Variants in PAN3 observed in about 807,000 individuals in gnomAD.
PAN3 encodes the protein poly(A) specific ribonuclease subunit PAN3.
A neutral mutation model predicts 96.2 loss-of-function variants in PAN3; 19 were observed. That is an observed-to-expected ratio of 0.20 (90% CI 0.14 to 0.29). PAN3 has a LOEUF of 0.29. Among genes scored for constraint, PAN3 ranks in the 10% least tolerant of loss-of-function variants. The pLI, the probability that PAN3 is intolerant of heterozygous loss-of-function variation, is 1.00. For synonymous variants in PAN3, 433 were observed against 406.6 expected, an observed-to-expected ratio of 1.06 and a Z score of -0.78; for missense variants, 882 against 1,108.1, an observed-to-expected ratio of 0.80 and a Z score of 2.90.
chr13:28,216,810 C>T (rs1249287949), intron 5 of PAN3, among the ~76,000 whole-genome samples: 1 of 140,216 alleles, frequency 7.1e-6, no homozygotes, highest in African/African-American at 3.1e-5. Context: ...CTTGTCTTTC[C>T]ATCTAATTAA....
chr13:28,232,777 G>A (rs906882150), intron 6 of PAN3, among the ~76,000 whole-genome samples: 1 of 152,016 alleles, frequency 6.6e-6, no homozygotes, highest in African/African-American at 2.4e-5. Flanking sequence ...ATTTGAGTTC[G>A]AGGGTGAGCA....
Position 28,144,203 on chromosome 13 carries a change from G to GT in PAN3, c.430+5123dup, listed in dbSNP as rs1447465484. Among the ~76,000 whole-genome samples the GT allele has an allele frequency of 6.1e-4, 79 of 129,008 alleles. 1 individual carries two copies. The highest frequency in any genetic ancestry group is 2.0e-3 in the African/African-American group (65 of 32,874). The allele number at this position is 129,008 out of a possible 152,430, so 84.6% of individuals were successfully genotyped here. A position where few individuals can be genotyped will look rare whatever the true frequency, so the allele number is the denominator to read the frequency against. On this transcript the variant is annotated intron_variant, in intron 1 of 18. Coordinates refer to ENST00000380958, the MANE Select transcript of PAN3 (RefSeq NM_175854.8). ...ATAAGGTAATACTTGGTTTCGATAAGTTTTTTTGTTTTTTTTTTTTTTTTT... is the reference window on the plus strand; with the variant it reads ...ATAAGGTAATACTTGGTTTCGATAAGTTTTTTTTGTTTTTTTTTTTTTTTTT...
chr13:28,162,965 A>G (rs1000713659), intron 1 of PAN3, among the ~76,000 whole-genome samples: 1 of 152,124 alleles, frequency 6.6e-6, no homozygotes, highest in African/African-American at 2.4e-5. Flanking sequence ...GTAGTTACAG[A>G]TAATTTAAGG....
intron 6 of PAN3, among the ~76,000 whole-genome samples, chr13:28,235,927 T>C (rs2138469024): frequency 6.6e-6 from 1 of 151,586 alleles, no homozygotes. Context: ...TGCTACAGGC[T>C]GGTGAAAGTT....
At chr13:28,142,335 G>C (rs1162980977) in intron 1 of PAN3, among the ~76,000 whole-genome samples, 2 of 151,930 alleles carry the variant, frequency 1.3e-5, no homozygotes, top group African/African-American at 2.4e-5. Flanking sequence ...GTATTGATCC[G>C]TTTATTTTAT....
chr13:28,288,227 T>G, intron 18 of PAN3, 105 bp downstream of exon 18: 1 of 995,896 alleles, frequency 1.0e-6, no homozygotes. Context: ...GATGTACTCT[T>G]AAAGTAGCCT....
intron 12 of PAN3, among the ~76,000 whole-genome samples, chr13:28,268,216 A>C (rs2138656582): frequency 6.6e-6 from 1 of 151,836 alleles, no homozygotes; most frequent in Non-Finnish European, 1.5e-5. Context: ...CTCCTTTTGC[A>C]TTGTTTTTTG....
intron 6 of PAN3, among the ~76,000 whole-genome samples, chr13:28,239,357 T>A (rs1177780932): frequency 3.3e-5 from 5 of 152,182 alleles, no homozygotes; most frequent in Non-Finnish European, 7.3e-5. Flanking sequence ...TAGCTTCTCT[T>A]GAAAACTTTG....
intron 6 of PAN3, among the ~76,000 whole-genome samples, chr13:28,247,744 GTATT>G (rs1884345496): frequency 6.6e-6 from 1 of 152,120 alleles, no homozygotes; most frequent in Non-Finnish European, 1.5e-5. Flanking sequence ...ATAAATATGT[GTATT>G]TATTTCAAGT....
At chr13:28,207,936 A>G (rs1879569581) in intron 5 of PAN3, among the ~76,000 whole-genome samples, 1 of 152,152 alleles carries the variant, frequency 6.6e-6, no homozygotes, top group Non-Finnish European at 1.5e-5. Flanking sequence ...CGCCTAGTAC[A>G]CTGCCTTGCA....
In PAN3 at chr13:28,266,869, G is replaced by A. The variant is rs1344764941; in HGVS notation, c.1566G>A (p.Arg522=). 1.0e-5 allele frequency: 16 copies of A among 1,593,088 alleles called. No homozygotes were observed. Among genetic ancestry groups the A allele is most frequent in the Non-Finnish European group, 1.4e-5 (16 of 1,171,128 alleles). ...SKDDLPYCLR[R]IHGFRLVNTK... ...ATGATCTGCCATATTGCCTTCGGAGGATACATGGTAAGGAAGATAAGTTAT... is the reference window on the plus strand; with the variant it reads ...ATGATCTGCCATATTGCCTTCGGAGAATACATGGTAAGGAAGATAAGTTAT... Residue 522 remains arginine (R), a synonymous_variant, in exon 10 of 19, where the codon AGG becomes AGA. Transcript: ENST00000380958.
intron 6 of PAN3, among the ~76,000 whole-genome samples, chr13:28,250,687 A>G (rs1884641175): frequency 6.6e-6 from 1 of 152,094 alleles, no homozygotes; most frequent in South Asian, 2.1e-4. Flanking sequence ...TATTTTTTGT[A>G]GAGACGGGGT....
chr13:28,215,195 A>G (rs999932033), intron 5 of PAN3: 1 of 713,198 alleles, frequency 1.4e-6, no homozygotes, highest in Non-Finnish European at 2.6e-6. Flanking sequence ...GTGGAACCAC[A>G]CTGCTTGAGG....
At chr13:28,144,993 C>T (rs915097865) in intron 1 of PAN3, among the ~76,000 whole-genome samples, 1 of 152,126 alleles carries the variant, frequency 6.6e-6, no homozygotes, top group Non-Finnish European at 1.5e-5. Context: ...GCTGGGACTA[C>T]AGGCGTGAGC....
At chr13:28,157,085 C>G (rs1205773635) in intron 1 of PAN3, among the ~76,000 whole-genome samples, 8 of 145,854 alleles carry the variant, frequency 5.5e-5, no homozygotes, top group African/African-American at 2.5e-5. Flanking sequence ...ATACACAAAT[C>G]AATAAATGTT....
At chr13:28,153,723 G>T (rs372308725) in intron 1 of PAN3, among the ~76,000 whole-genome samples, 13 of 152,228 alleles carry the variant, frequency 8.5e-5, no homozygotes, top group African/African-American at 3.1e-4. Flanking sequence ...ACGTACAAAA[G>T]ACGAACCCAA....
At chr13:28,156,295 G>T (rs1358358603) in intron 1 of PAN3, among the ~76,000 whole-genome samples, 6 of 152,020 alleles carry the variant, frequency 3.9e-5, no homozygotes, top group Non-Finnish European at 8.8e-5. Flanking sequence ...TATGCATGTA[G>T]GGTAGAAAAC....
Position 28,266,682 on chromosome 13 carries a change from A to G in PAN3, c.1412-33A>G, listed in dbSNP as rs920625617. 13 of 1,475,582 alleles carry G rather than the reference A, an allele frequency of 8.8e-6. No homozygotes were observed. In the African/African-American group the frequency reaches 1.6e-4, roughly 18 times the overall value. 91.4% of individuals were successfully genotyped at this position (1,475,582 alleles called of 1,614,324 possible). A position where few individuals can be genotyped will look rare whatever the true frequency, so the allele number is the denominator to read the frequency against. On this transcript the variant is annotated intron_variant, in intron 9 of 18. Transcript: ENST00000380958. ...TTGAGAAAGATTTATGAATGCCTGT[A>G]TTTTCAAGTCATCTTCTTATGAATT...
chr13:28,243,134 G>C (rs1407895182), intron 6 of PAN3, among the ~76,000 whole-genome samples: 1 of 152,046 alleles, frequency 6.6e-6, no homozygotes, highest in Non-Finnish European at 1.5e-5. Flanking sequence ...TCTTGTGCTG[G>C]CTAGGGCCTT....
Sources: allele counts gnomAD v4.1 joint callset (sites outside exome capture counted in the v4.1 genomes callset), GRCh38; gene constraint gnomAD v4.1.1; transcripts MANE v1.5; gene names NCBI Gene and HGNC (gene_info 2026-07-23, HGNC 2026-07-21).